The following KLHL29 variants were observed in gnomAD, a reference collection of about 807,000 sequenced individuals.
KLHL29 encodes the protein kelch-like protein 29.
A neutral mutation model predicts 80.4 loss-of-function variants in KLHL29; 21 were observed. That is an observed-to-expected ratio of 0.26 (90% CI 0.19 to 0.38). KLHL29 has a LOEUF of 0.38. KLHL29 is among the 10% of genes least tolerant of loss of function. The pLI, the probability that KLHL29 is intolerant of heterozygous loss-of-function variation, is 1.00. For synonymous variants in KLHL29, 511 were observed against 526.8 expected, an observed-to-expected ratio of 0.97 and a Z score of 0.41; for missense variants, 867 against 1,223.9, an observed-to-expected ratio of 0.71 and a Z score of 4.35.
intron 1 of KLHL29, among the ~76,000 whole-genome samples, chr2:23,458,800 CA>C (rs1448904583): frequency 2.6e-5 from 4 of 152,144 alleles, no homozygotes; most frequent in Non-Finnish European, 5.9e-5. Context: ...AGAACGGGGA[CA>C]GGGGTGAGAT....
intron 3 of KLHL29, among the ~76,000 whole-genome samples, chr2:23,608,717 C>T (rs1389317755): frequency 6.6e-6 from 1 of 152,186 alleles, no homozygotes; most frequent in Non-Finnish European, 1.5e-5. Flanking sequence ...ATACCAAACC[C>T]ATTGGGGGAG....
At chr2:23,402,435 A>G (rs930216047) in intron 1 of KLHL29, among the ~76,000 whole-genome samples, 2 of 152,222 alleles carry the variant, frequency 1.3e-5, no homozygotes, top group Non-Finnish European at 2.9e-5. Flanking sequence ...ACACTAACCT[A>G]GTGTGTGCTT....
Position 23,654,637 on chromosome 2 carries a change from G to C in KLHL29, c.940+11787G>C, listed in dbSNP as rs577263531. Among the ~76,000 whole-genome samples the C allele has an allele frequency of 1.4e-4, 21 of 149,346 alleles. 1 individual carries two copies. In the East Asian group the frequency reaches 3.8e-3, roughly 27 times the overall value. On this transcript the variant is annotated intron_variant, in intron 5 of 13. Coordinates refer to ENST00000486442, the MANE Select transcript of KLHL29 (RefSeq NM_052920.2). ...GGCTGGGGTCGGGAGTGCCATTCCA[G>C]GGAAGCCGGTGGGCAGGGCTGGGAG...
At chr2:23,577,354 G>A (rs1366469522) in intron 3 of KLHL29, among the ~76,000 whole-genome samples, 2 of 152,134 alleles carry the variant, frequency 1.3e-5, no homozygotes, top group African/African-American at 4.8e-5. Context: ...GGGATGCTGA[G>A]GCAGGAGAAT....
intron 6 of KLHL29, among the ~76,000 whole-genome samples, chr2:23,685,697 C>A (rs1320018850): frequency 6.6e-6 from 1 of 152,168 alleles, no homozygotes; most frequent in Non-Finnish European, 1.5e-5. Flanking sequence ...CCTCAGGTCT[C>A]CTGCCCCCGG....
intron 1 of KLHL29, among the ~76,000 whole-genome samples, chr2:23,398,831 A>G (rs906006160): frequency 1.3e-5 from 2 of 152,120 alleles, no homozygotes; most frequent in Admixed American, 6.6e-5. Flanking sequence ...CACATACCAT[A>G]ATGACACTGG....
chr2:23,537,227 G>A (rs1353366615), intron 2 of KLHL29, among the ~76,000 whole-genome samples: 2 of 152,078 alleles, frequency 1.3e-5, no homozygotes, highest in East Asian at 1.9e-4. Context: ...CACCCTTCAT[G>A]GGCAGTGCTG....
intron 3 of KLHL29, among the ~76,000 whole-genome samples, chr2:23,604,802 T>G (rs1020537444): frequency 1.6e-4 from 25 of 152,252 alleles, no homozygotes; most frequent in African/African-American, 5.5e-4. Flanking sequence ...CTCCAGTGCC[T>G]CCTCCTCCCT....
chr2:23,425,446 C>T (rs557867632), intron 1 of KLHL29, among the ~76,000 whole-genome samples: 3 of 152,164 alleles, frequency 2.0e-5, no homozygotes, highest in Non-Finnish European at 4.4e-5. Context: ...TCTCCAGGGC[C>T]GGCCAGACCA....
intron 2 of KLHL29, among the ~76,000 whole-genome samples, chr2:23,539,726 G>T (rs1485079243): frequency 6.6e-6 from 1 of 152,070 alleles, no homozygotes; most frequent in Non-Finnish European, 1.5e-5. Flanking sequence ...GTAGGCATGA[G>T]CCACTGCACC....
intron 3 of KLHL29, among the ~76,000 whole-genome samples, chr2:23,564,577 C>T (rs901908289): frequency 2.6e-5 from 4 of 152,186 alleles, no homozygotes; most frequent in African/African-American, 9.7e-5. Context: ...GCTGGCTTCC[C>T]GAGCACCCCT....
At chr2:23,659,247 C>T (rs375734013) in intron 5 of KLHL29, among the ~76,000 whole-genome samples, 2 of 152,210 alleles carry the variant, frequency 1.3e-5, no homozygotes, top group Admixed American at 6.5e-5. Context: ...TCCGCAGCGG[C>T]GCTGGGGGAC....
chr2:23,495,174 C>T (rs1338602361), intron 2 of KLHL29, among the ~76,000 whole-genome samples: 2 of 152,198 alleles, frequency 1.3e-5, no homozygotes, highest in Non-Finnish European at 2.9e-5. Context: ...AGGCGTGCAT[C>T]ACTGTACCTG....
intron 1 of KLHL29, among the ~76,000 whole-genome samples, chr2:23,418,028 G>C (rs1027699891): frequency 6.6e-6 from 1 of 152,222 alleles, no homozygotes; most frequent in African/African-American, 2.4e-5. Flanking sequence ...GGCAGGGTCT[G>C]TCTTGCTCAT....
chr2:23,646,008 TTCTC>T (rs1057109976), intron 5 of KLHL29, among the ~76,000 whole-genome samples: 4 of 152,128 alleles, frequency 2.6e-5, no homozygotes, highest in African/African-American at 7.2e-5. Context: ...AAATCTTTCT[TTCTC>T]TAAGAACAAT....
chr2:23,574,281 G>A (rs1465597351), intron 3 of KLHL29, among the ~76,000 whole-genome samples: 1 of 152,138 alleles, frequency 6.6e-6, no homozygotes, highest in African/African-American at 2.4e-5. Flanking sequence ...GGGGCTGCTA[G>A]GAGTGATGAA....
At chr2:23,531,923 A>G (rs1666502114) in intron 2 of KLHL29, among the ~76,000 whole-genome samples, 1 of 152,180 alleles carries the variant, frequency 6.6e-6, no homozygotes, top group South Asian at 2.1e-4. Context: ...CTGGGACCAT[A>G]GAGATGTGAA....
chr2:23,618,818 G>T (rs577408457), intron 3 of KLHL29, among the ~76,000 whole-genome samples: 1 of 152,194 alleles, frequency 6.6e-6, no homozygotes, highest in East Asian at 1.9e-4. Context: ...TGAACCCATA[G>T]CTTGATCAAG....
intron 1 of KLHL29, among the ~76,000 whole-genome samples, chr2:23,447,768 T>C (rs1663743860): frequency 6.6e-6 from 1 of 152,232 alleles, no homozygotes; most frequent in South Asian, 2.1e-4. Context: ...TAAACTGACA[T>C]GAGGCCATTT....
Sources: gnomAD v4.1 joint callset for allele counts (sites outside exome capture counted in the v4.1 genomes callset) on GRCh38, gnomAD v4.1.1 for gene constraint, MANE v1.5 for transcripts, NCBI Gene and HGNC (gene_info 2026-07-23, HGNC 2026-07-21) for gene names.